SCLY: variants seen among roughly 807,000 people sequenced by gnomAD.
SCLY encodes the protein putative selenocysteine lyase.
A neutral mutation model predicts 50.1 loss-of-function variants in SCLY; 38 were observed. The ratio of observed to expected loss-of-function variants is 0.76; its 90% confidence interval spans 0.59 to 0.99. The LOEUF is 0.99. Ranked by LOEUF, SCLY falls within the 50% of genes least tolerant of loss-of-function variation. SCLY has a pLI of 0.00. For synonymous variants in SCLY, 243 were observed against 249.4 expected, an observed-to-expected ratio of 0.97 and a Z score of 0.24; for missense variants, 600 against 620.0, an observed-to-expected ratio of 0.97 and a Z score of 0.34.
In SCLY at chr2:238,083,376, G is replaced by C. The variant is rs1422170867; in HGVS notation, c.884+22G>C. ...CAGGGTAAGGCAGAAAGTTAACAAA[G>C]TCTCTGACCTACTGACCGTGTCATT... On this transcript the variant is annotated intron_variant, in intron 7 of 11. Coordinates refer to ENST00000254663, the MANE Select transcript of SCLY (RefSeq NM_016510.7). This position sits in a 1 kb window ranked among gnomAD's most constrained non-coding sequence, Gnocchi z 4.3. 2 of 1,485,766 alleles carry C rather than the reference G, an allele frequency of 1.3e-6. No homozygotes were observed. The highest frequency in any genetic ancestry group is 2.3e-5 in the East Asian group (1 of 44,280). The allele number at this position is 1,485,766 out of a possible 1,614,324, so 92.0% of individuals were successfully genotyped here. A position where few individuals can be genotyped will look rare whatever the true frequency, so the allele number is the denominator to read the frequency against.
chr2:238,064,749 A>AT lies in SCLY; in HGVS notation c.202+280_202+281insT. 4 of 229,062 alleles carry AT rather than the reference A, an allele frequency of 1.7e-5. No individual in the cohort carries two copies. The South Asian group carries it at 2.2e-4, about 12-fold the overall frequency. The allele number at this position is 229,062 out of a possible 1,614,324, so 14.2% of individuals were successfully genotyped here. ...AAGGTGTCTACTGAGAGTTCCTTGA[A>AT]GTAGCAGTCAGTACCTGTGGAGCAC... On this transcript the variant is annotated intron_variant, in intron 2 of 11. Coordinates refer to ENST00000254663, the MANE Select transcript of SCLY (RefSeq NM_016510.7).
At position 238,083,369 on chromosome 2, in the gene SCLY, TAAC is replaced by T; in HGVS notation, c.884+18_884+20del. On this transcript the variant is annotated intron_variant, in intron 7 of 11. Coordinates refer to ENST00000254663, the MANE Select transcript of SCLY (RefSeq NM_016510.7). The surrounding 1 kb of genome is among the most constrained non-coding windows in gnomAD (Gnocchi z 4.3). ...TTCAGGCCAGGGTAAGGCAGAAAGT[TAAC>T]AAAGTCTCTGACCTACTGACCGTGT... is the stretch of plus-strand genomic sequence containing the variant. 6.5e-7 allele frequency: 1 copy of T among 1,540,090 alleles called. No individual in the cohort carries two copies. The highest frequency in any genetic ancestry group is 9.0e-7 in the Non-Finnish European group (1 of 1,112,520).
intron 7 of SCLY, among the ~76,000 whole-genome samples, chr2:238,090,607 G>T (rs1299850739): frequency 6.6e-6 from 1 of 152,196 alleles, no homozygotes; most frequent in African/African-American, 2.4e-5. Flanking sequence ...CTGCACTCCA[G>T]CCTGGGCAAC....
intron 4 of SCLY, among the ~76,000 whole-genome samples, chr2:238,071,376 G>A (rs1265967720): frequency 2.0e-5 from 3 of 152,204 alleles, no homozygotes; most frequent in Non-Finnish European, 4.4e-5. Flanking sequence ...GGAGGCTGAG[G>A]CGGACAGATC....
intron 4 of SCLY, among the ~76,000 whole-genome samples, chr2:238,075,327 A>G (rs1056237327): frequency 6.6e-6 from 1 of 152,176 alleles, no homozygotes; most frequent in Non-Finnish European, 1.5e-5. Flanking sequence ...CATAAGAGGT[A>G]TTAGTCTGTA....
chr2:238,071,537 A>G (rs1055585310), intron 4 of SCLY, among the ~76,000 whole-genome samples: 1 of 152,168 alleles, frequency 6.6e-6, no homozygotes, highest in Non-Finnish European at 1.5e-5. Context: ...CTTGAACCTG[A>G]GAGGGAGAGG....
rs755579361 is a variant in SCLY, at chr2:238,069,456, C to T, written c.463C>T (p.Leu155=). 1 of 1,612,712 alleles carries T rather than the reference C, an allele frequency of 6.2e-7. No individual in the cohort carries two copies. Among genetic ancestry groups the T allele is most frequent in the South Asian group, 1.1e-5 (1 of 90,946 alleles). ...HDSIRLPLEH[L]VEEQVAAVTF... ...CTCCATCCGGCTGCCCCTGGAGCAC[C>T]TGGTGGAAGAACAAGTGGCAGGTGA... The change falls in exon 4 of 12, where the codon CTG becomes TTG. Residue 155 remains leucine, a synonymous_variant. Coordinates refer to ENST00000254663, the MANE Select transcript of SCLY (RefSeq NM_016510.7). The surrounding 1 kb of genome is among the most constrained non-coding windows in gnomAD (Gnocchi z 5.0).
chr2:238,087,791 TAGAA>T (rs1240802863), intron 7 of SCLY, among the ~76,000 whole-genome samples: 9 of 152,072 alleles, frequency 5.9e-5, no homozygotes, highest in Non-Finnish European at 1.3e-4. Context: ...CAGCAATACA[TAGAA>T]AGAATTATAC....
chr2:238,071,128 C>T (rs143424404), intron 4 of SCLY, among the ~76,000 whole-genome samples: 13 of 152,194 alleles, frequency 8.5e-5, no homozygotes, highest in East Asian at 7.7e-4. Flanking sequence ...CACCTGAGCC[C>T]GGCCAGAGCC....
chr2:238,075,635 T>C (rs1163459516), intron 4 of SCLY, among the ~76,000 whole-genome samples: 4 of 152,196 alleles, frequency 2.6e-5, no homozygotes, highest in Non-Finnish European at 5.9e-5. Context: ...GTGCATTTCA[T>C]TTGTTATCTA....
Position 238,098,684 on chromosome 2 carries a change from C to G in SCLY, c.*329C>G, listed in dbSNP as rs1031922810. On this transcript the variant is annotated 3_prime_UTR_variant, in exon 12 of 12. Coordinates refer to ENST00000254663, the MANE Select transcript of SCLY (RefSeq NM_016510.7). ...ATAGAACCGTCCTCCAGTGGTGAAG[C>G]GGAAACACTTAGCTTTATCCACCCT... 2.1e-5 allele frequency: 9 copies of G among 421,558 alleles called. No individual in the cohort carries two copies. Among genetic ancestry groups the G allele is most frequent in the Admixed American group, 4.1e-5 (1 of 24,466 alleles). 26.1% of individuals were successfully genotyped at this position (421,558 alleles called of 1,614,324 possible). A position where few individuals can be genotyped will look rare whatever the true frequency, so the allele number is the denominator to read the frequency against.
At chr2:238,092,585 A>G (rs2106454503) in intron 8 of SCLY, 1 of 152,358 alleles carries the variant, frequency 6.6e-6, no homozygotes, top group South Asian at 2.1e-4. Context: ...CTTCCTAGGT[A>G]GAGCTTCAGC....
At chr2:238,061,933 C>T (rs928723148) in intron 1 of SCLY, among the ~76,000 whole-genome samples, 5 of 152,154 alleles carry the variant, frequency 3.3e-5, no homozygotes, top group Non-Finnish European at 5.9e-5. Flanking sequence ...AGCTCATTCG[C>T]TACCCATGCT....
intron 4 of SCLY, among the ~76,000 whole-genome samples, chr2:238,072,627 T>C (rs2065138702): frequency 6.6e-6 from 1 of 152,248 alleles, no homozygotes; most frequent in Admixed American, 6.5e-5. Context: ...AATTCCCTGA[T>C]GGCCAGTAGT....
chr2:238,069,273 G>A lies in SCLY; in HGVS notation c.304-24G>A. 6.2e-7 allele frequency: 1 copy of A among 1,607,728 alleles called. No individual in the cohort carries two copies. The highest frequency in any genetic ancestry group is 8.5e-7 in the Non-Finnish European group (1 of 1,177,284). ...TTACCTCAGCACAGTTTTTGTAAAT[G>A]CTTTTTTTGCTGTATCTCTGCAGTC... On this transcript the variant is annotated intron_variant, in intron 3 of 11. Coordinates refer to ENST00000254663, the MANE Select transcript of SCLY (RefSeq NM_016510.7). The surrounding 1 kb of genome is among the most constrained non-coding windows in gnomAD (Gnocchi z 5.0).
rs1166554708 is a variant in SCLY, at chr2:238,065,671, T to TATTATTATTATC, written c.202+1213_202+1214insCATTATTATTAT. On this transcript the variant is annotated intron_variant, in intron 2 of 11. Transcript: ENST00000254663. ...TAATAATATTTTATTTTATTATTAT[T>TATTATTATTATC]ATTATTATTATTATTATTATTTTGA... 2.2e-4 allele frequency among the ~76,000 whole-genome samples: 32 copies of TATTATTATTATC among 147,610 alleles called. No homozygotes were observed. In the South Asian group the frequency reaches 6.8e-3, roughly 31 times the overall value.
chr2:238,077,155 G>A (rs965726434), intron 4 of SCLY, among the ~76,000 whole-genome samples: 35 of 152,108 alleles, frequency 2.3e-4, no homozygotes, highest in South Asian at 8.3e-4. Context: ...TTTTTGCTTC[G>A]TGTATTTTGG....
At position 238,083,321 on chromosome 2, in the gene SCLY, T is replaced by C. The variant is rs771788543; in HGVS notation, c.851T>C (p.Phe284Ser). 6 of 1,613,824 alleles carry C rather than the reference T, an allele frequency of 3.7e-6. No homozygotes were observed. The South Asian group carries it at 6.6e-5, about 18-fold the overall frequency. Reference protein sequence around the residue: ...GEFTPLYPMLFGGGQERNFRP... With the variant: ...GEFTPLYPMLSGGGQERNFRP... ...TTTACCCCTCTCTACCCTATGCTAT[T>C]TGGAGGTGGACAAGAACGGAATTTC... The change falls in exon 7 of 12, where the codon TTT becomes TCT. Residue 284 changes from phenylalanine (F) to serine (S), a missense_variant. Phe to Ser is a radical substitution (Grantham distance 155). Transcript: ENST00000254663. The surrounding 1 kb of genome is among the most constrained non-coding windows in gnomAD (Gnocchi z 4.3).
chr2:238,094,282 C>T lies in SCLY; in HGVS notation c.1006-138C>T, dbSNP rs754072103. 1.7e-5 allele frequency: 13 copies of T among 749,670 alleles called. No individual in the cohort carries two copies. The South Asian group carries it at 1.9e-4, about 11-fold the overall frequency. 46.4% of individuals were successfully genotyped at this position (749,670 alleles called of 1,614,324 possible). On this transcript the variant is annotated intron_variant, in intron 9 of 11. Transcript: ENST00000254663. ...AACTTTGCTTTCCATAGTCCGTCCC[C>T]GTAACTATTCTGGGTAGATGCTGAT...
Sources: gnomAD v4.1 joint callset for allele counts (sites outside exome capture counted in the v4.1 genomes callset) on GRCh38, gnomAD v4.1.1 for gene constraint, Gnocchi (gnomAD v3.1) non-coding constraint, MANE v1.5 for transcripts, NCBI Gene and HGNC (gene_info 2026-07-23, HGNC 2026-07-21) for gene names.